The following APBB2 variants were observed in gnomAD, a reference collection of about 807,000 sequenced individuals.
APBB2 encodes amyloid beta precursor protein binding family B member 2.
APBB2 carries 38 observed loss-of-function variants against 82.5 expected under a neutral mutation model. That is an observed-to-expected ratio of 0.46 (90% CI 0.36 to 0.60). The LOEUF (loss-of-function observed/expected upper bound fraction) is 0.60. Among genes scored for constraint, APBB2 ranks in the 20% least tolerant of loss-of-function variants. The pLI is 0.00. For synonymous variants in APBB2, 341 were observed against 368.2 expected (o/e 0.93, Z 0.85); for missense variants, 772 against 972.3 (o/e 0.79, Z 2.74).
chr4:40,929,203 T>C lies in APBB2; in HGVS notation c.1254+5253A>G, dbSNP rs1783465685. 2.0e-5 allele frequency among the ~76,000 whole-genome samples: 3 copies of C among 152,116 alleles called. No homozygotes were observed. In the South Asian group the frequency reaches 6.2e-4, roughly 32 times the overall value. ...AAATTATTTCTGAATAAAAATTTAC[T>C]TTTAAAGTGCATAGAAAAATAAGAG... is the stretch of plus-strand genomic sequence containing the variant. On this transcript the variant is annotated intron_variant, in intron 10 of 17. Transcript: ENST00000508593.
chr4:40,949,910 G>A (rs907939585), intron 6 of APBB2, among the ~76,000 whole-genome samples: 1 of 152,176 alleles, frequency 6.6e-6, no homozygotes, highest in African/African-American at 2.4e-5. Flanking sequence ...CCTGGAGAAT[G>A]TTTTTCTATT....
At chr4:40,964,409 C>T (rs917326697) in intron 6 of APBB2, among the ~76,000 whole-genome samples, 4 of 148,694 alleles carry the variant, frequency 2.7e-5, no homozygotes, top group South Asian at 2.1e-4. Context: ...AGCAAAACCA[C>T]GTAAAATTAT....
intron 1 of APBB2, among the ~76,000 whole-genome samples, chr4:41,184,567 A>G (rs1412911250): frequency 6.6e-6 from 1 of 151,902 alleles, no homozygotes; most frequent in Non-Finnish European, 1.5e-5. Flanking sequence ...TCCCTCCAAC[A>G]CTGTCTGTCC....
intron 6 of APBB2, among the ~76,000 whole-genome samples, chr4:40,969,191 G>C (rs1012440212): frequency 6.6e-6 from 1 of 152,130 alleles, no homozygotes; most frequent in Non-Finnish European, 1.5e-5. Context: ...TCTCCATTTA[G>C]AGACAAATTA....
chr4:41,024,214 C>T (rs1381236793), intron 5 of APBB2, among the ~76,000 whole-genome samples: 3 of 152,052 alleles, frequency 2.0e-5, no homozygotes, highest in Non-Finnish European at 4.4e-5. Context: ...ATGTACAACC[C>T]CAAACTATAA....
chr4:41,005,902 T>A (rs1806577164), intron 6 of APBB2, among the ~76,000 whole-genome samples: 1 of 152,122 alleles, frequency 6.6e-6, no homozygotes, highest in Non-Finnish European at 1.5e-5. Context: ...AACATCCACA[T>A]CCCAACTGAC....
At chr4:40,961,539 A>G (rs140844096) in intron 6 of APBB2, among the ~76,000 whole-genome samples, 18 of 150,520 alleles carry the variant, frequency 1.2e-4, no homozygotes, top group African/African-American at 4.1e-4. Flanking sequence ...GATATACCTA[A>G]TGCTAGATGT....
At chr4:40,880,621 C>T (rs1768195680) in intron 12 of APBB2, 1 of 985,404 alleles carries the variant, frequency 1.0e-6, no homozygotes, top group South Asian at 4.7e-5. Flanking sequence ...TCCAAGTATT[C>T]AAAGAAGATC....
intron 10 of APBB2, among the ~76,000 whole-genome samples, chr4:40,905,478 A>G (rs1272945858): frequency 6.6e-6 from 1 of 152,218 alleles, no homozygotes; most frequent in Non-Finnish European, 1.5e-5. Flanking sequence ...CCTGATGTCA[A>G]GTCCTTAAAT....
At chr4:41,182,380 C>T (rs1238501332) in intron 1 of APBB2, among the ~76,000 whole-genome samples, 1 of 152,170 alleles carries the variant, frequency 6.6e-6, no homozygotes, top group Non-Finnish European at 1.5e-5. Flanking sequence ...GTGATCTCAC[C>T]AAGGTAACCT....
intron 10 of APBB2, among the ~76,000 whole-genome samples, chr4:40,897,255 G>C (rs945342732): frequency 1.3e-5 from 2 of 152,214 alleles, no homozygotes; most frequent in Non-Finnish European, 2.9e-5. Context: ...TGTAATCCCA[G>C]CACTTTTGGA....
intron 6 of APBB2, among the ~76,000 whole-genome samples, chr4:40,991,299 G>A (rs1009329900): frequency 6.7e-6 from 1 of 150,220 alleles, no homozygotes; most frequent in Admixed American, 6.7e-5. Flanking sequence ...TTACAGGTGT[G>A]AGCCACCGTG....
chr4:41,152,481 C>A (rs1309670457), intron 1 of APBB2, among the ~76,000 whole-genome samples: 3 of 152,084 alleles, frequency 2.0e-5, no homozygotes, highest in Non-Finnish European at 1.5e-5. Context: ...CACCACCAAC[C>A]ATGTCCGGCT....
chr4:40,849,727 T>G (rs1758717440), intron 12 of APBB2, among the ~76,000 whole-genome samples: 1 of 138,108 alleles, frequency 7.2e-6, no homozygotes, highest in Non-Finnish European at 1.6e-5. Flanking sequence ...TAAAGTTACT[T>G]TTTTTTTTTT....
At chr4:40,901,344 A>G (rs1775222405) in intron 10 of APBB2, among the ~76,000 whole-genome samples, 1 of 152,036 alleles carries the variant, frequency 6.6e-6, no homozygotes, top group Admixed American at 6.6e-5. Flanking sequence ...TATCATAGCC[A>G]GCTATGCCAA....
At chr4:40,933,348 C>G (rs115852825) in intron 10 of APBB2, among the ~76,000 whole-genome samples, 1 of 152,102 alleles carries the variant, frequency 6.6e-6, no homozygotes, top group African/African-American at 2.4e-5. Flanking sequence ...TGATCAGGGG[C>G]GGGTAAATCA....
chr4:41,013,799 G>A lies in APBB2; in HGVS notation c.619C>T (p.Leu207=). ...ASTIIGNGDL[L]LQKPNRPQSS... Reference sequence around the variant, plus strand: ...TGGGGTCTGTTTGGTTTCTGCAGCAGCAAATCGCCATTCCCAATGATGGTG... The same window carrying A: ...TGGGGTCTGTTTGGTTTCTGCAGCAACAAATCGCCATTCCCAATGATGGTG... Residue 207 remains leucine, a synonymous_variant, in exon 6 of 18, where the codon CTG becomes TTG. Transcript: ENST00000508593. 6 of 1,614,210 alleles carry A rather than the reference G, an allele frequency of 3.7e-6. No homozygotes were observed. Among genetic ancestry groups the A allele is most frequent in the Non-Finnish European group, 5.1e-6 (6 of 1,180,034 alleles).
chr4:41,134,354 C>T (rs1212413463), intron 2 of APBB2, among the ~76,000 whole-genome samples: 13 of 152,058 alleles, frequency 8.5e-5, no homozygotes, highest in Admixed American at 7.2e-4. Flanking sequence ...CCAAGGCGGG[C>T]TGATCACAAG....
intron 6 of APBB2, among the ~76,000 whole-genome samples, chr4:40,985,065 G>A (rs1328948822): frequency 2.6e-5 from 4 of 151,820 alleles, no homozygotes; most frequent in Non-Finnish European, 4.4e-5. Flanking sequence ...GAACTACAAG[G>A]CACCACCACA....
Sources: gnomAD v4.1 joint callset for allele counts (sites outside exome capture counted in the v4.1 genomes callset) on GRCh38, gnomAD v4.1.1 for gene constraint, MANE v1.5 for transcripts, NCBI Gene and HGNC (gene_info 2026-07-23, HGNC 2026-07-21) for gene names.